Variants in MBD5 observed in about 807,000 individuals in gnomAD.
MBD5 encodes the protein methyl-CpG binding domain protein 5.
MBD5 carries 13 observed loss-of-function variants against 117.3 expected under a neutral mutation model. That is an observed-to-expected ratio of 0.11 (90% confidence interval 0.07 to 0.18). The LOEUF is 0.18. Ranked by LOEUF, MBD5 falls within the 10% of genes least tolerant of loss-of-function variation. The pLI is 1.00. For missense variants in MBD5, 1,879 were observed against 2,093.8 expected, an observed-to-expected ratio of 0.90 and a Z score of 2.00; for synonymous variants, 727 against 766.4, an observed-to-expected ratio of 0.95 and a Z score of 0.85.
At chr2:148,410,732 G>T (rs1043482613) in intron 4 of MBD5, among the ~76,000 whole-genome samples, 2 of 152,210 alleles carry the variant, frequency 1.3e-5, no homozygotes, top group African/African-American at 4.8e-5. Flanking sequence ...TTACAGGCAT[G>T]AGCCACTGCA....
chr2:148,308,835 G>T (rs1701960831), intron 3 of MBD5, among the ~76,000 whole-genome samples: 1 of 152,074 alleles, frequency 6.6e-6, no homozygotes, highest in Non-Finnish European at 1.5e-5. Context: ...TTTCTATAAA[G>T]TGTAAGGAAG....
intron 3 of MBD5, among the ~76,000 whole-genome samples, chr2:148,310,629 T>C (rs375514220): frequency 2.6e-5 from 4 of 152,318 alleles, no homozygotes; most frequent in African/African-American, 9.6e-5. Context: ...TGAAGTGTTT[T>C]TCGTGTCTCT....
intron 3 of MBD5, among the ~76,000 whole-genome samples, chr2:148,313,087 G>A (rs184159796): frequency 3.0e-4 from 45 of 152,168 alleles, no homozygotes; most frequent in Admixed American, 9.2e-4. Context: ...GGTGTCTGTC[G>A]ACCCTTGCTG....
intron 4 of MBD5, among the ~76,000 whole-genome samples, chr2:148,448,216 G>A (rs1172094733): frequency 2.6e-5 from 4 of 151,986 alleles, no homozygotes; most frequent in Non-Finnish European, 4.4e-5. Flanking sequence ...TATTTCATGG[G>A]GCTTAGAGAT....
At chr2:148,248,748 T>G (rs1320808794) in intron 3 of MBD5, among the ~76,000 whole-genome samples, 3 of 152,044 alleles carry the variant, frequency 2.0e-5, no homozygotes, top group Non-Finnish European at 4.4e-5. Context: ...AATATAACGC[T>G]TTAGTGATTA....
intron 1 of MBD5, among the ~76,000 whole-genome samples, chr2:148,042,460 CTT>C (rs889892287): frequency 6.9e-6 from 1 of 144,636 alleles, no homozygotes. Context: ...GCCAAAGAAC[CTT>C]TTTTTTTTTA....
intron 8 of MBD5, among the ~76,000 whole-genome samples, chr2:148,473,483 C>T (rs1365928662): frequency 6.6e-6 from 1 of 152,122 alleles, no homozygotes; most frequent in African/African-American, 2.4e-5. Context: ...ACTCAGGTGA[C>T]CTCTTGCTCA....
At chr2:148,448,959 C>T (rs1706646225) in intron 4 of MBD5, among the ~76,000 whole-genome samples, 1 of 151,804 alleles carries the variant, frequency 6.6e-6, no homozygotes, top group Admixed American at 6.6e-5. Flanking sequence ...TGAGAAATCA[C>T]CATATTACAG....
intron 4 of MBD5, among the ~76,000 whole-genome samples, chr2:148,391,971 TTAA>T (rs1458336156): frequency 6.6e-5 from 10 of 152,206 alleles, no homozygotes; most frequent in Non-Finnish European, 1.2e-4. Context: ...ATTGGAAAAC[TTAA>T]TAATTTTTTG....
intron 3 of MBD5, among the ~76,000 whole-genome samples, chr2:148,328,735 A>G (rs1157356572): frequency 1.3e-5 from 2 of 152,138 alleles, no homozygotes; most frequent in Admixed American, 1.3e-4. Context: ...ACCTGCGCCC[A>G]CTGTCTGGCA....
At chr2:148,228,353 C>T (rs1466700080) in intron 2 of MBD5, among the ~76,000 whole-genome samples, 1 of 152,148 alleles carries the variant, frequency 6.6e-6, no homozygotes, top group African/African-American at 2.4e-5. Flanking sequence ...GCCTTTTCTG[C>T]ATCTATTGAG....
At chr2:148,290,504 A>G (rs1228511977) in intron 3 of MBD5, among the ~76,000 whole-genome samples, 1 of 152,050 alleles carries the variant, frequency 6.6e-6, no homozygotes, top group African/African-American at 2.4e-5. Flanking sequence ...AAGAGGCCTC[A>G]ATACAAATTA....
chr2:148,495,667 A>G (rs1681678114), intron 11 of MBD5, among the ~76,000 whole-genome samples: 1 of 152,248 alleles, frequency 6.6e-6, no homozygotes, highest in Non-Finnish European at 1.5e-5. Flanking sequence ...AAATGAAGAC[A>G]TTATTTTCAA....
intron 8 of MBD5, among the ~76,000 whole-genome samples, chr2:148,479,047 G>A (rs913873249): frequency 1.3e-5 from 2 of 152,172 alleles, no homozygotes; most frequent in Non-Finnish European, 2.9e-5. Context: ...ACCAGAGAGT[G>A]CCTATTCAAG....
intron 1 of MBD5, among the ~76,000 whole-genome samples, chr2:148,130,012 T>G (rs1384934044): frequency 6.6e-6 from 1 of 152,220 alleles, no homozygotes; most frequent in East Asian, 1.9e-4. Flanking sequence ...AAATACAGTT[T>G]TCAAATTTAA....
rs70992189 is a variant in MBD5, at chr2:148,052,206, G to GTTTTTTTTTTTTTTT, written c.-925+30529_-925+30543dup. Among the ~76,000 whole-genome samples, 10 of 83,762 alleles carry GTTTTTTTTTTTTTTT rather than the reference G, an allele frequency of 1.2e-4. 1 individual carries two copies. Among genetic ancestry groups the GTTTTTTTTTTTTTTT allele is most frequent in the African/African-American group, 3.3e-4 (7 of 20,992 alleles). The allele number at this position is 83,762 out of a possible 152,430, so 55.0% of individuals were successfully genotyped here. A position where few individuals can be genotyped will look rare whatever the true frequency, so the allele number is the denominator to read the frequency against. The stretch of plus-strand genomic sequence containing the variant: ...TCTTATGGTATAAGACTGTTATTGA[G>GTTTTTTTTTTTTTTT]TTTTTTTTTTTTTTTTTTTTTGAGA... On this transcript the variant is annotated intron_variant, in intron 1 of 13. Transcript: ENST00000642680.
intron 1 of MBD5, among the ~76,000 whole-genome samples, chr2:148,146,298 T>C (rs953437360): frequency 1.3e-5 from 2 of 152,174 alleles, no homozygotes; most frequent in African/African-American, 4.8e-5. Context: ...CTTGCCCTTT[T>C]GCCCAGGCTG....
chr2:148,160,625 A>G (rs530985842), intron 1 of MBD5, among the ~76,000 whole-genome samples: 2 of 152,268 alleles, frequency 1.3e-5, no homozygotes, highest in South Asian at 4.1e-4. Context: ...ATTTCAAGGG[A>G]TAGGATATAC....
intron 1 of MBD5, among the ~76,000 whole-genome samples, chr2:148,123,887 C>T (rs983417360): frequency 6.6e-6 from 1 of 152,256 alleles, no homozygotes; most frequent in African/African-American, 2.4e-5. Context: ...TCAAAAAAGA[C>T]AAAGGACAGA....
Sources: gnomAD v4.1 joint callset for allele counts (sites outside exome capture counted in the v4.1 genomes callset) on GRCh38, gnomAD v4.1.1 for gene constraint, MANE v1.5 for transcripts, NCBI Gene and HGNC (gene_info 2026-07-23, HGNC 2026-07-21) for gene names.